RPS6KC1: variants seen among roughly 807,000 people sequenced by gnomAD.
The protein encoded by RPS6KC1 is inactive ribosomal protein S6 kinase delta-1.
A neutral mutation model predicts 103.8 loss-of-function variants in RPS6KC1; 54 were observed. The ratio of observed to expected loss-of-function variants is 0.52; its 90% CI spans 0.42 to 0.65. The LOEUF (loss-of-function observed/expected upper bound fraction) is 0.65, where lower values mean the gene tolerates loss of function less well. Ranked by LOEUF, RPS6KC1 falls within the 30% of genes least tolerant of loss-of-function variation. RPS6KC1 has a pLI of 0.00. For missense variants in RPS6KC1, 1,151 were observed against 1,253.8 expected (o/e 0.92, Z 1.24); for synonymous variants, 439 against 438.7 (o/e 1.00, Z -0.01).
chr1:213,283,674 T>G, the RPS6KC1 span, among the ~76,000 whole-genome samples: 1 of 152,078 alleles, frequency 6.6e-6, no homozygotes, highest in Non-Finnish European at 1.5e-5. Context: ...CTCTCAAAAT[T>G]GACCTGCCAG....
the RPS6KC1 span, among the ~76,000 whole-genome samples, chr1:213,431,503 A>G: frequency 5.9e-5 from 9 of 152,192 alleles, no homozygotes; most frequent in South Asian, 1.2e-3. Flanking sequence ...TCTGGTTTCT[A>G]TTGCCATTAA....
intron 6 of RPS6KC1, among the ~76,000 whole-genome samples, chr1:213,158,156 C>G (rs1055141375): frequency 8.6e-5 from 13 of 152,024 alleles, no homozygotes; most frequent in African/African-American, 2.9e-4. Context: ...TGTTTATGTA[C>G]ACTTAATGTT....
chr1:213,479,226 A>T, the RPS6KC1 span, among the ~76,000 whole-genome samples: 2 of 152,032 alleles, frequency 1.3e-5, no homozygotes, highest in Admixed American at 6.5e-5. Context: ...TATGAGAGGG[A>T]TTCTGTAGTA....
chr1:213,378,818 G>A, the RPS6KC1 span, among the ~76,000 whole-genome samples: 2 of 152,236 alleles, frequency 1.3e-5, no homozygotes, highest in South Asian at 2.1e-4. Flanking sequence ...CCCTTCCTCC[G>A]ACATCCATCC....
At chr1:213,463,881 C>T in the RPS6KC1 span, among the ~76,000 whole-genome samples, 1 of 152,142 alleles carries the variant, frequency 6.6e-6, no homozygotes, top group African/African-American at 2.4e-5. Context: ...CTTTGTAGGC[C>T]ATTTAAGCCA....
chr1:213,680,959 A>T, the RPS6KC1 span, among the ~76,000 whole-genome samples: 1 of 152,216 alleles, frequency 6.6e-6, no homozygotes, highest in Non-Finnish European at 1.5e-5. Flanking sequence ...ATTGCATTAA[A>T]CATTCAGTCT....
At chr1:213,638,884 CA>C in the RPS6KC1 span, among the ~76,000 whole-genome samples, 1 of 151,966 alleles carries the variant, frequency 6.6e-6, no homozygotes, top group Non-Finnish European at 1.5e-5. Flanking sequence ...CCAATTTCTG[CA>C]AAAAAGGCAT....
At chr1:213,601,481 C>A in the RPS6KC1 span, among the ~76,000 whole-genome samples, 1 of 147,502 alleles carries the variant, frequency 6.8e-6, no homozygotes, top group African/African-American at 2.5e-5. Flanking sequence ...ATATATTAAA[C>A]TATAGAAAAT....
rs146477065 is a variant in RPS6KC1, at chr1:213,262,663, G to C, written c.2995-58G>C. 143 of 1,126,116 alleles carry C rather than the reference G, an allele frequency of 1.3e-4. No individual in the cohort carries two copies. The African/African-American group carries it at 2.0e-3, about 16-fold the overall frequency. The allele number at this position is 1,126,116 out of a possible 1,614,324, so 69.8% of individuals were successfully genotyped here. On this transcript the variant is annotated intron_variant, in intron 13 of 14. Coordinates refer to ENST00000366960, the MANE Select transcript of RPS6KC1 (RefSeq NM_012424.6). ...TGTACTTGCTGTCCATAAATCCTAT[G>C]ATAGAACAAAATATGATGTTATTTG...
chr1:213,801,634 A>AG, the RPS6KC1 span, among the ~76,000 whole-genome samples: 37,546 of 152,022 alleles, frequency 0.25, 7,562 homozygotes, highest in African/African-American at 0.54. Flanking sequence ...GTGGTGTTCA[A>AG]AAGAGGGAGG....
In RPS6KC1 at chr1:213,100,594, C is replaced by T. The variant is rs373582963; in HGVS notation, c.263-3860C>T. On this transcript the variant is annotated intron_variant, in intron 3 of 14. Transcript: ENST00000366960. Reference sequence around the variant, plus strand: ...ACAGTTATCTCCTTCTTTCCATCCCCGCTTTTGGAGTTCTCAATGTCTGTT... The same window carrying T: ...ACAGTTATCTCCTTCTTTCCATCCCTGCTTTTGGAGTTCTCAATGTCTGTT... Among the ~76,000 whole-genome samples the T allele has an allele frequency of 8.5e-4, 130 of 152,270 alleles. 3 individuals are homozygous for T. The South Asian group carries it at 0.021, about 24-fold the overall frequency.
the RPS6KC1 span, among the ~76,000 whole-genome samples, chr1:213,374,914 A>G: frequency 6.6e-6 from 1 of 152,198 alleles, no homozygotes; most frequent in Non-Finnish European, 1.5e-5. Flanking sequence ...TAAAAGGCGA[A>G]CAGTTTCCAG....
intron 12 of RPS6KC1, among the ~76,000 whole-genome samples, chr1:213,252,095 T>C (rs1573611263): frequency 6.6e-6 from 1 of 152,380 alleles, no homozygotes; most frequent in East Asian, 1.9e-4. Flanking sequence ...TCTGTGTTTC[T>C]TTCTCTTTGC....
At chr1:213,087,004 G>A (rs2080457097) in intron 3 of RPS6KC1, among the ~76,000 whole-genome samples, 2 of 151,748 alleles carry the variant, frequency 1.3e-5, no homozygotes. Flanking sequence ...ATGCCTACCT[G>A]TTTTACAAGA....
chr1:213,573,446 T>G, the RPS6KC1 span, among the ~76,000 whole-genome samples: 2 of 152,220 alleles, frequency 1.3e-5, no homozygotes, highest in African/African-American at 4.8e-5. Context: ...CAGGGCTGCC[T>G]TTTCCTGAGG....
At chr1:213,249,147 C>T (rs1249449788) in intron 12 of RPS6KC1, among the ~76,000 whole-genome samples, 1 of 152,166 alleles carries the variant, frequency 6.6e-6, no homozygotes, top group Admixed American at 6.5e-5. Context: ...TTTCGTATCT[C>T]AGTTGACTTT....
the RPS6KC1 span, among the ~76,000 whole-genome samples, chr1:213,392,945 A>G: frequency 6.6e-6 from 1 of 152,196 alleles, no homozygotes; most frequent in Non-Finnish European, 1.5e-5. Context: ...TCATTTCTGG[A>G]AAGAGAAATA....
chr1:213,409,123 A>G, the RPS6KC1 span, among the ~76,000 whole-genome samples: 16 of 152,200 alleles, frequency 1.1e-4, no homozygotes, highest in African/African-American at 3.9e-4. Context: ...TTTCCGTTCA[A>G]CCTGGTGCCA....
chr1:213,218,972 A>T (rs956288087), intron 8 of RPS6KC1, among the ~76,000 whole-genome samples: 6 of 152,250 alleles, frequency 3.9e-5, no homozygotes, highest in African/African-American at 1.4e-4. Context: ...CATGTCTAAA[A>T]CACCAAAAGC....
Sources: allele counts gnomAD v4.1 joint callset (sites outside exome capture counted in the v4.1 genomes callset), GRCh38; gene constraint gnomAD v4.1.1; transcripts MANE v1.5; gene names NCBI Gene and HGNC (gene_info 2026-07-23, HGNC 2026-07-21).